NOC3L: variants seen among roughly 807,000 people sequenced by gnomAD.
NOC3L encodes the protein nucleolar complex protein 3 homolog.
In NOC3L, 85 loss-of-function variants were observed where a neutral mutation model predicts 102.5. The observed-to-expected ratio is 0.83, with a 90% CI of 0.70 to 0.99. The LOEUF (loss-of-function observed/expected upper bound fraction) is 0.99. Among genes scored for constraint, NOC3L ranks in the 50% least tolerant of loss-of-function variants. The pLI, the probability that NOC3L is intolerant of heterozygous loss-of-function variation, is 0.00. For synonymous variants in NOC3L, 303 were observed against 309.4 expected (o/e 0.98, Z 0.22); for missense variants, 878 against 914.9 (o/e 0.96, Z 0.52).
intron 14 of NOC3L, among the ~76,000 whole-genome samples, chr10:94,341,185 A>C (rs2054280149): frequency 6.6e-6 from 1 of 151,762 alleles, no homozygotes; most frequent in Non-Finnish European, 1.5e-5. Flanking sequence ...AAAAGAAAAA[A>C]AAGACCTATA....
intron 19 of NOC3L, among the ~76,000 whole-genome samples, chr10:94,336,356 T>G (rs889488048): frequency 2.5e-4 from 36 of 141,326 alleles, no homozygotes; most frequent in African/African-American, 2.7e-4. Context: ...AAATTTCTGT[T>G]TTTTTTTTTT....
At chr10:94,334,391 G>A (rs908415458) in intron 20 of NOC3L, 86 bp from the exon 21 acceptor site, 3 of 813,644 alleles carry the variant, frequency 3.7e-6, no homozygotes, top group Non-Finnish European at 4.0e-6. Context: ...AATGGCAACA[G>A]CTGACACCAA....
chr10:94,352,530 C>G, intron 7 of NOC3L, 127 bp from the exon 8 acceptor site: 1 of 656,540 alleles, frequency 1.5e-6, no homozygotes, highest in Non-Finnish European at 2.6e-6. Flanking sequence ...AAAAACGCGG[C>G]AGTCGTTTAG....
chr10:94,351,606 C>G (rs897958004), intron 8 of NOC3L, among the ~76,000 whole-genome samples: 1 of 152,164 alleles, frequency 6.6e-6, no homozygotes, highest in Non-Finnish European at 1.5e-5. Flanking sequence ...TAGCTCACCG[C>G]AGGCTCAAAC....
rs2054188665 is a variant in NOC3L, at chr10:94,334,003, T to C, written c.*174A>G. The C allele has an allele frequency of 2.4e-6, 1 of 410,454 alleles. No homozygotes were observed. Among genetic ancestry groups the C allele is most frequent in the Admixed American group, 4.2e-5 (1 of 23,598 alleles). The allele number at this position is 410,454 out of a possible 1,614,324, so 25.4% of individuals were successfully genotyped here. ...TTGATCTCCTTGATGGAATGACATA[T>C]TCAGAATAGGGGCAGAACCCTGTGC... On this transcript the variant is annotated 3_prime_UTR_variant, in exon 21 of 21. Transcript: ENST00000371361.
At chr10:94,330,682 A>G (rs1589560217), downstream of NOC3L, 1 of 145,558 alleles carries the variant, frequency 6.9e-6, no homozygotes, top group African/African-American at 2.6e-5. Context: ...CAAGAGTGAG[A>G]CTCCATCTCA....
At position 94,362,934 on chromosome 10, in the gene NOC3L, A is replaced by C; in HGVS notation, c.-96T>G. Reference sequence around the variant, plus strand: ...ATGACACACGTGCCGAAGTCCCTACACTACCAGAGCCGGAAACGGCCTTCA... The same window carrying C: ...ATGACACACGTGCCGAAGTCCCTACCCTACCAGAGCCGGAAACGGCCTTCA... On this transcript the variant is annotated 5_prime_UTR_variant, in exon 1 of 21. Transcript: ENST00000371361. The C allele has an allele frequency of 6.3e-7, 1 of 1,595,352 alleles. No homozygotes were observed. The highest frequency in any genetic ancestry group is 8.6e-7 in the Non-Finnish European group (1 of 1,163,868).
At chr10:94,343,237 A>T (rs2054306336) in intron 13 of NOC3L, among the ~76,000 whole-genome samples, 1 of 152,278 alleles carries the variant, frequency 6.6e-6, no homozygotes, top group East Asian at 1.9e-4. Context: ...AAATAAAGGA[A>T]TTAGTTATTA....
chr10:94,324,332 C>A, the NOC3L span: 1 of 1,591,344 alleles, frequency 6.3e-7, no homozygotes, highest in Non-Finnish European at 8.6e-7. Flanking sequence ...TTCAGTTGAT[C>A]ATAACTTACC....
At chr10:94,338,857 C>G (rs1017427307) in intron 17 of NOC3L, 121 bp from the exon 18 acceptor site, 3 of 719,700 alleles carry the variant, frequency 4.2e-6, no homozygotes, top group Non-Finnish European at 2.0e-6. Context: ...TGCATAAAGT[C>G]TTTACACCTA....
chr10:94,317,942 A>G, the NOC3L span, among the ~76,000 whole-genome samples: 1 of 152,162 alleles, frequency 6.6e-6, no homozygotes, highest in Non-Finnish European at 1.5e-5. Flanking sequence ...GGGGCATGTA[A>G]TAGTGCTTGC....
chr10:94,341,702 C>G lies in NOC3L; in HGVS notation c.1615G>C (p.Val539Leu), dbSNP rs1277526796. 1.3e-6 allele frequency: 2 copies of G among 1,568,608 alleles called. No individual in the cohort carries two copies. The highest frequency in any genetic ancestry group is 1.2e-5 in the South Asian group (1 of 81,944). The part of the protein sequence containing the change: ...INVEFFDDLL[V>L]VLHTLIESGD... ...GACTCAATGAGAGTATGAAGAACTACTAACAGATCATCAAAAAATTCCACA... is the reference window on the plus strand; with the variant it reads ...GACTCAATGAGAGTATGAAGAACTAGTAACAGATCATCAAAAAATTCCACA... Residue 539 changes from valine to leucine, a missense_variant, in exon 14 of 21, where the codon GTA becomes CTA. By Grantham distance (32) the Val-to-Leu change is conservative. Coordinates refer to ENST00000371361, the MANE Select transcript of NOC3L (RefSeq NM_022451.11).
In NOC3L at chr10:94,350,263, TTTC is replaced by T; in HGVS notation, c.975_977del (p.Lys326del). 6.2e-7 allele frequency: 1 copy of T among 1,614,148 alleles called. No homozygotes were observed. The highest frequency in any genetic ancestry group is 1.1e-5 in the South Asian group (1 of 91,086). On this transcript the variant is annotated inframe_deletion, in exon 9 of 21. Coordinates refer to ENST00000371361, the MANE Select transcript of NOC3L (RefSeq NM_022451.11). ...ATGCCTTTAAGGAAACTACATTACT[TTTC>T]TTCAGCTTCCTCTGCTTCCAATCTA...
intron 2 of NOC3L, among the ~76,000 whole-genome samples, chr10:94,359,707 TA>T (rs887852090): frequency 1.3e-5 from 2 of 152,036 alleles, no homozygotes; most frequent in Non-Finnish European, 2.9e-5. Context: ...TCATCCTAGT[TA>T]AAAAGGCTTT....
At chr10:94,353,596 G>A (rs572691212) in intron 6 of NOC3L, among the ~76,000 whole-genome samples, 2 of 152,150 alleles carry the variant, frequency 1.3e-5, no homozygotes, top group East Asian at 1.9e-4. Flanking sequence ...AACATCAGAG[G>A]TCACATTTCA....
chr10:94,324,100 G>A, the NOC3L span, among the ~76,000 whole-genome samples: 11 of 152,158 alleles, frequency 7.2e-5, no homozygotes, highest in Admixed American at 5.2e-4. Context: ...TTAAGTATAA[G>A]CTTCCTCGTC....
rs1374476400 is a variant in NOC3L at position 94,333,351 on chromosome 10, ACT to A, written c.*824_*825del. On this transcript the variant is annotated 3_prime_UTR_variant, in exon 21 of 21. Transcript: ENST00000371361. Reference sequence around the variant, plus strand: ...TATGGGAATAGCTGTTACATAAAATACTGTTTTATAATTATATTAATAAGAAA... The same window carrying A: ...TATGGGAATAGCTGTTACATAAAATAGTTTTATAATTATATTAATAAGAAA... 6.6e-6 allele frequency: 1 copy of A among 152,168 alleles called. No individual in the cohort carries two copies. Among genetic ancestry groups the A allele is most frequent in the Non-Finnish European group, 1.5e-5 (1 of 68,012 alleles). 9.4% of individuals were successfully genotyped at this position (152,168 alleles called of 1,614,324 possible). A position where few individuals can be genotyped will look rare whatever the true frequency, so the allele number is the denominator to read the frequency against.
At chr10:94,341,771 A>G (rs2054288698) in intron 13 of NOC3L, 26 bp from the exon 14 acceptor site, 2 of 1,349,896 alleles carry the variant, frequency 1.5e-6, no homozygotes, top group African/African-American at 3.0e-5. Context: ...ACAGTTAATC[A>G]GTGAACTAAA....
At chr10:94,317,681 G>T in the NOC3L span, among the ~76,000 whole-genome samples, 7 of 152,112 alleles carry the variant, frequency 4.6e-5, no homozygotes, top group African/African-American at 1.4e-4. Context: ...TGCAACAACT[G>T]CCATGTTGAC....
Sources: gnomAD v4.1 joint callset for allele counts (sites outside exome capture counted in the v4.1 genomes callset) on GRCh38, gnomAD v4.1.1 for gene constraint, MANE v1.5 for transcripts, NCBI Gene and HGNC (gene_info 2026-07-23, HGNC 2026-07-21) for gene names.